Variants in AP2B1 observed in about 807,000 individuals in gnomAD.
AP2B1 encodes AP-2 complex subunit beta.
AP2B1 carries 23 observed loss-of-function variants against 102.0 expected under a neutral mutation model. The ratio of observed to expected loss-of-function variants is 0.23; its 90% CI spans 0.16 to 0.32. The LOEUF is 0.32. Ranked by LOEUF, AP2B1 falls within the 10% of genes least tolerant of loss-of-function variation. AP2B1 has a pLI of 1.00. For missense variants in AP2B1, 541 were observed against 1,157.4 expected (o/e 0.47, Z 7.73); for synonymous variants, 381 against 421.2 (o/e 0.90, Z 1.17).
intron 5 of AP2B1, among the ~76,000 whole-genome samples, chr17:35,616,456 C>T (rs1282175079): frequency 2.0e-5 from 3 of 152,126 alleles, no homozygotes; most frequent in Middle Eastern, 3.4e-3. Flanking sequence ...GCATGAGCCA[C>T]CGCGCCCTGC....
intron 21 of AP2B1, among the ~76,000 whole-genome samples, chr17:35,722,451 A>C (rs1207911328): frequency 6.6e-6 from 1 of 152,200 alleles, no homozygotes; most frequent in African/African-American, 2.4e-5. Context: ...CTGAATATTA[A>C]AGCTGTAAAT....
intron 18 of AP2B1, among the ~76,000 whole-genome samples, chr17:35,683,645 G>A (rs587617671): frequency 2.0e-5 from 3 of 152,234 alleles, no homozygotes; most frequent in East Asian, 3.9e-4. Context: ...CACCTACCTC[G>A]AAGTTTCCTT....
At chr17:35,703,574 C>T (rs1468595488) in intron 18 of AP2B1, among the ~76,000 whole-genome samples, 1 of 152,132 alleles carries the variant, frequency 6.6e-6, no homozygotes, top group Non-Finnish European at 1.5e-5. Context: ...CAAACTAACA[C>T]AGGAACATAA....
chr17:35,614,207 ATTT>A (rs2073947656), intron 5 of AP2B1, among the ~76,000 whole-genome samples: 1 of 151,886 alleles, frequency 6.6e-6, no homozygotes, highest in African/African-American at 2.4e-5. Context: ...TTTACTTTTT[ATTT>A]TTTGAGAGAC....
At chr17:35,720,673 C>T (rs1406941253) in intron 21 of AP2B1, among the ~76,000 whole-genome samples, 3 of 146,192 alleles carry the variant, frequency 2.1e-5, no homozygotes, top group African/African-American at 7.6e-5. Context: ...CCTCCCATCT[C>T]GGCCTCCCAA....
intron 5 of AP2B1, among the ~76,000 whole-genome samples, chr17:35,618,105 G>A (rs1205961544): frequency 2.0e-5 from 3 of 152,154 alleles, no homozygotes; most frequent in African/African-American, 7.2e-5. Flanking sequence ...TTGTAATGTA[G>A]CAGGCATATT....
chr17:35,673,973 G>T (rs78460364), intron 16 of AP2B1, among the ~76,000 whole-genome samples: 1 of 152,112 alleles, frequency 6.6e-6, no homozygotes, highest in African/African-American at 2.4e-5. Flanking sequence ...AATTGAGAAC[G>T]ATCTCAAAAT....
intron 10 of AP2B1, among the ~76,000 whole-genome samples, chr17:35,637,481 A>G (rs1040760342): frequency 2.0e-5 from 3 of 152,010 alleles, no homozygotes; most frequent in African/African-American, 4.8e-5. Flanking sequence ...TGCCCGGCCC[A>G]CTTCTGATCG....
At chr17:35,639,883 T>C in intron 11 of AP2B1, 123 bp downstream of exon 11, 4 of 846,076 alleles carry the variant, frequency 4.7e-6, no homozygotes, top group Non-Finnish European at 7.2e-6. Flanking sequence ...TTCATTTTTC[T>C]CCCAACAGGG....
In AP2B1 at chr17:35,592,452, A is replaced by G. The variant is rs1012908459; in HGVS notation, c.-23-1556A>G. ...CCTGTAGCCTTGATCTCCTAAGCTCAAGCGATCCACACACCTCAGCCTCCC... is the reference window on the plus strand; with the variant it reads ...CCTGTAGCCTTGATCTCCTAAGCTCGAGCGATCCACACACCTCAGCCTCCC... On this transcript the variant is annotated intron_variant, in intron 1 of 21. Coordinates refer to ENST00000610402, the MANE Select transcript of AP2B1 (RefSeq NM_001030006.2). 3.3e-5 allele frequency among the ~76,000 whole-genome samples: 5 copies of G among 152,096 alleles called. No individual in the cohort carries two copies. The South Asian group carries it at 1.0e-3, about 32-fold the overall frequency.
At chr17:35,597,078 G>C (rs564242941) in intron 2 of AP2B1, 1 of 550,702 alleles carries the variant, frequency 1.8e-6, no homozygotes, top group Admixed American at 2.7e-5. Flanking sequence ...ACCCCTGGGC[G>C]CCCCCGCTCC....
intron 12 of AP2B1, among the ~76,000 whole-genome samples, chr17:35,644,643 C>T (rs994840261): frequency 1.3e-5 from 2 of 151,818 alleles, no homozygotes; most frequent in African/African-American, 4.8e-5. Context: ...CCTTGGTCTC[C>T]CAAAGCACTG....
chr17:35,662,324 A>G (rs569820514), intron 14 of AP2B1, among the ~76,000 whole-genome samples: 1 of 152,192 alleles, frequency 6.6e-6, no homozygotes, highest in East Asian at 1.9e-4. Context: ...TGTACTCTAC[A>G]GGTAGTTTAT....
At chr17:35,594,489 C>T (rs905497864) in intron 2 of AP2B1, among the ~76,000 whole-genome samples, 11 of 152,170 alleles carry the variant, frequency 7.2e-5, no homozygotes, top group Non-Finnish European at 1.3e-4. Flanking sequence ...TTCTCCCTTC[C>T]TGTTCCTATT....
chr17:35,593,556 T>A (rs2073169693), intron 1 of AP2B1, among the ~76,000 whole-genome samples: 1 of 152,220 alleles, frequency 6.6e-6, no homozygotes, highest in East Asian at 1.9e-4. Context: ...ATTCTTTTTA[T>A]TGAAAGTTTC....
At chr17:35,593,049 C>T (rs138625881) in intron 1 of AP2B1, among the ~76,000 whole-genome samples, 1 of 152,244 alleles carries the variant, frequency 6.6e-6, no homozygotes, top group African/African-American at 2.4e-5. Context: ...TCTTTTGTTT[C>T]AACACCAGTT....
rs146110679 is a variant in AP2B1, at chr17:35,641,842, A to G, written c.1438-35A>G. ...GATGGCAGGGAATAATGCCAGTGCC[A>G]TTCTTTCACACTATCACAAATTATG... On this transcript the variant is annotated intron_variant, in intron 11 of 21. Coordinates refer to ENST00000610402, the MANE Select transcript of AP2B1 (RefSeq NM_001030006.2). The G allele has an allele frequency of 2.6e-4, 396 of 1,502,634 alleles. 3 individuals are homozygous for G. The African/African-American group carries it at 3.7e-3, about 14-fold the overall frequency. 93.1% of individuals were successfully genotyped at this position (1,502,634 alleles called of 1,614,324 possible). A position where few individuals can be genotyped will look rare whatever the true frequency, so the allele number is the denominator to read the frequency against.
chr17:35,616,008 T>G (rs2073999766), intron 5 of AP2B1, among the ~76,000 whole-genome samples: 1 of 152,190 alleles, frequency 6.6e-6, no homozygotes, highest in Non-Finnish European at 1.5e-5. Context: ...CTGTCTCTAC[T>G]TATAGAGAAA....
chr17:35,664,431 T>G (rs192295551), intron 14 of AP2B1, among the ~76,000 whole-genome samples: 24 of 152,214 alleles, frequency 1.6e-4, no homozygotes, highest in African/African-American at 5.8e-4. Context: ...GGGTGTTCAT[T>G]TTTTTTCCTC....
Sources: gnomAD v4.1 joint callset for allele counts (sites outside exome capture counted in the v4.1 genomes callset) on GRCh38, gnomAD v4.1.1 for gene constraint, MANE v1.5 for transcripts, NCBI Gene and HGNC (gene_info 2026-07-23, HGNC 2026-07-21) for gene names.